Variants in EFCAB13 observed in about 807,000 individuals in gnomAD.
EFCAB13 encodes the protein EF-hand calcium binding domain 13.
A neutral mutation model predicts 110.2 loss-of-function variants in EFCAB13; 91 were observed. The observed-to-expected ratio is 0.83, with a 90% CI of 0.70 to 0.98. The LOEUF (loss-of-function observed/expected upper bound fraction) is 0.98, where lower values mean the gene tolerates loss of function less well. EFCAB13 is among the 50% of genes least tolerant of loss of function. EFCAB13 has a pLI of 0.00. For missense variants in EFCAB13, 968 were observed against 1,119.4 expected (o/e 0.86, Z 1.93); for synonymous variants, 323 against 369.9 (o/e 0.87, Z 1.45).
intron 9 of EFCAB13, 48 bp from the exon 10 acceptor site, chr17:47,361,330 C>G (rs1453002984): frequency 6.3e-7 from 1 of 1,592,218 alleles, no homozygotes; most frequent in Admixed American, 1.7e-5. Context: ...AACTGCTTTT[C>G]CAAGAAAAGC....
At chr17:47,378,512 G>A (rs2065628997) in intron 13 of EFCAB13, among the ~76,000 whole-genome samples, 1 of 152,170 alleles carries the variant, frequency 6.6e-6, no homozygotes, top group Admixed American at 6.5e-5. Context: ...AAGACTGATT[G>A]GAGAATAACA....
At chr17:47,402,311 G>T in intron 18 of EFCAB13, 108 bp downstream of exon 18, 1 of 1,012,602 alleles carries the variant, frequency 9.9e-7, no homozygotes, top group Non-Finnish European at 1.5e-6. Context: ...TTAACATGTT[G>T]GCATTGATAT....
At chr17:47,391,671 T>C (rs1003380593) in intron 15 of EFCAB13, 91 bp downstream of exon 15, 4 of 1,202,206 alleles carry the variant, frequency 3.3e-6, no homozygotes, top group Non-Finnish European at 4.5e-6. Context: ...ACTAATTTTT[T>C]TATTATAAAA....
chr17:47,376,350 A>G, intron 12 of EFCAB13, among the ~76,000 whole-genome samples: 1 of 152,218 alleles, frequency 6.6e-6, no homozygotes, highest in East Asian at 1.9e-4. Flanking sequence ...GGTTAAAGGA[A>G]TAATGAAACA....
intron 23 of EFCAB13, among the ~76,000 whole-genome samples, chr17:47,420,027 C>G (rs942884024): frequency 2.0e-5 from 3 of 152,036 alleles, no homozygotes; most frequent in Non-Finnish European, 1.5e-5. Flanking sequence ...GCTGCCATCT[C>G]GGCTCACTGC....
chr17:47,372,651 A>C (rs961120329), intron 11 of EFCAB13, among the ~76,000 whole-genome samples: 1 of 152,122 alleles, frequency 6.6e-6, no homozygotes, highest in African/African-American at 2.4e-5. Flanking sequence ...AACTCTTTCA[A>C]CTTTTGTCTG....
chr17:47,405,661 AT>A (rs1361164356), intron 20 of EFCAB13, among the ~76,000 whole-genome samples: 2 of 151,428 alleles, frequency 1.3e-5, no homozygotes, highest in African/African-American at 4.8e-5. Context: ...AATTCTTTTC[AT>A]TTTTTTGTAT....
At chr17:47,371,200 C>T (rs2065582784) in intron 11 of EFCAB13, among the ~76,000 whole-genome samples, 1 of 148,000 alleles carries the variant, frequency 6.8e-6, no homozygotes, top group African/African-American at 2.5e-5. Context: ...TCTGTTATTT[C>T]TTTGGCTGTG....
At chr17:47,377,615 A>AG (rs1250404353) in intron 12 of EFCAB13, 151 bp from the exon 13 acceptor site, 1 of 540,136 alleles carries the variant, frequency 1.9e-6, no homozygotes, top group Non-Finnish European at 3.1e-6. Flanking sequence ...TGTAATATAA[A>AG]CAGATATGGA....
rs78398540 is a variant in EFCAB13 at position 47,399,977 on chromosome 17, C to T, written c.1946-2155C>T. Among the ~76,000 whole-genome samples, 652 of 152,218 alleles carry T rather than the reference C, an allele frequency of 4.3e-3. 18 individuals are homozygous for T. The East Asian group carries it at 0.065, about 15-fold the overall frequency. Reference sequence around the variant, plus strand: ...TCAAGGTGAATGTGAGACATTGAATCCATAGGCGAAGAATTAGAGGAAATC... The same window carrying T: ...TCAAGGTGAATGTGAGACATTGAATTCATAGGCGAAGAATTAGAGGAAATC... On this transcript the variant is annotated intron_variant, in intron 17 of 24. Transcript: ENST00000331493.
intron 11 of EFCAB13, among the ~76,000 whole-genome samples, chr17:47,372,740 A>G (rs938296330): frequency 2.0e-5 from 3 of 151,848 alleles, no homozygotes; most frequent in Admixed American, 6.6e-5. Context: ...TTCCTTCAGT[A>G]CTCTGAATAT....
In EFCAB13 at chr17:47,391,450, C is replaced by A; in HGVS notation, c.1596C>A (p.Val532=). The A allele has an allele frequency of 1.3e-6, 2 of 1,571,094 alleles. No individual in the cohort carries two copies. The highest frequency in any genetic ancestry group is 2.5e-5 in the South Asian group (2 of 80,902). Residue 532 remains valine (V), a synonymous_variant, in exon 15 of 25, where the codon GTC becomes GTA. Transcript: ENST00000331493. ...SFPECNALPG[V]IKAIDKIKDK... ...CTTTATTTTTAGCGTTGCCTGGTGT[C>A]ATTAAAGCCATTGATAAAATTAAAG...
At chr17:47,439,283 T>C (rs1162953529) in intron 24 of EFCAB13, among the ~76,000 whole-genome samples, 1 of 151,070 alleles carries the variant, frequency 6.6e-6, no homozygotes, top group Non-Finnish European at 1.5e-5. Context: ...TGCAAGCGAT[T>C]CTTCTGCCTC....
chr17:47,409,297 A>C, intron 20 of EFCAB13: 1 of 201,042 alleles, frequency 5.0e-6, no homozygotes, highest in Non-Finnish European at 1.0e-5. Flanking sequence ...TAGGTAGGTA[A>C]GAGATCAAGA....
chr17:47,368,978 TC>T (rs1406135554), intron 10 of EFCAB13, among the ~76,000 whole-genome samples: 1 of 152,270 alleles, frequency 6.6e-6, no homozygotes, highest in Admixed American at 6.5e-5. Context: ...GATGTACCAA[TC>T]CAGTGTGAAA....
At chr17:47,347,718 T>G in intron 8 of EFCAB13, 90 bp from the exon 9 acceptor site, 1 of 1,050,296 alleles carries the variant, frequency 9.5e-7, no homozygotes. Flanking sequence ...GGCTCCCTTT[T>G]TAGTGATTAT....
intron 10 of EFCAB13, among the ~76,000 whole-genome samples, chr17:47,367,363 T>G (rs1464245460): frequency 1.3e-5 from 2 of 152,200 alleles, no homozygotes; most frequent in Non-Finnish European, 2.9e-5. Flanking sequence ...ATTCTTTAAT[T>G]TACATATTTG....
rs955612917 is a variant in EFCAB13 at position 47,386,868 on chromosome 17, G to A, written c.1583-4569G>A. On this transcript the variant is annotated intron_variant, in intron 14 of 24. Coordinates refer to ENST00000331493, the MANE Select transcript of EFCAB13 (RefSeq NM_152347.5). ...CTCTCAAGGCTTCCCTTGGCTGGGGGAGGGAGCCCTCCCACCCCCTCCCCG... is the reference window on the plus strand; with the variant it reads ...CTCTCAAGGCTTCCCTTGGCTGGGGAAGGGAGCCCTCCCACCCCCTCCCCG... Among the ~76,000 whole-genome samples the A allele has an allele frequency of 2.3e-4, 35 of 152,130 alleles. 2 individuals carry two copies. The highest frequency in any genetic ancestry group is 1.9e-3 in the Admixed American group (29 of 15,272).
intron 24 of EFCAB13, among the ~76,000 whole-genome samples, chr17:47,434,243 A>G (rs963270743): frequency 3.3e-5 from 5 of 152,142 alleles, no homozygotes; most frequent in African/African-American, 1.2e-4. Context: ...ACAAATTAGT[A>G]GCACTGCTAT....
Sources: allele counts gnomAD v4.1 joint callset (sites outside exome capture counted in the v4.1 genomes callset), GRCh38; gene constraint gnomAD v4.1.1; transcripts MANE v1.5; gene names NCBI Gene and HGNC (gene_info 2026-07-23, HGNC 2026-07-21).